GLIS3: variants seen among roughly 807,000 people sequenced by gnomAD.
The protein encoded by GLIS3 is zinc finger protein GLIS3.
In GLIS3, 53 loss-of-function variants were observed where a neutral mutation model predicts 78.6. The ratio of observed to expected loss-of-function variants is 0.67; its 90% CI spans 0.54 to 0.85. The LOEUF is 0.85. GLIS3 is among the 40% of genes least tolerant of loss of function. GLIS3 has a pLI of 0.00. For synonymous variants in GLIS3, 684 were observed against 509.9 expected (o/e 1.34, Z -4.60); for missense variants, 1,703 against 1,231.1 (o/e 1.38, Z -5.74).
At chr9:4,402,131 C>G in the GLIS3 span, among the ~76,000 whole-genome samples, 2 of 152,300 alleles carry the variant, frequency 1.3e-5, no homozygotes, top group East Asian at 1.9e-4. Flanking sequence ...TGACCCACCA[C>G]AGTCCCAGTG....
At chr9:4,071,830 C>G (rs1340248) in intron 4 of GLIS3, 2 of 152,086 alleles carry the variant, frequency 1.3e-5, no homozygotes, top group Admixed American at 6.6e-5. Flanking sequence ...AAGCATTTTC[C>G]TAATATATCA....
chr9:4,430,212 A>G, the GLIS3 span, among the ~76,000 whole-genome samples: 1 of 152,244 alleles, frequency 6.6e-6, no homozygotes, highest in Non-Finnish European at 1.5e-5. Context: ...AGGTGCATGC[A>G]TGCCTGTCTA....
intron 4 of GLIS3, among the ~76,000 whole-genome samples, chr9:4,075,227 C>A (rs1827945118): frequency 6.6e-6 from 1 of 151,964 alleles, no homozygotes; most frequent in African/African-American, 2.4e-5. Context: ...ATATGTGCAA[C>A]TTTTATCAAT....
chr9:3,878,064 G>A (rs984905975), intron 8 of GLIS3, among the ~76,000 whole-genome samples: 4 of 152,096 alleles, frequency 2.6e-5, no homozygotes, highest in Non-Finnish European at 5.9e-5. Context: ...GACCGTCCCT[G>A]ACGGTGTCCT....
At chr9:4,376,655 T>C in the GLIS3 span, among the ~76,000 whole-genome samples, 5 of 135,150 alleles carry the variant, frequency 3.7e-5, 1 homozygote, top group South Asian at 1.4e-3. Context: ...AAAGAAGAAA[T>C]ATAACTTTTT....
At chr9:4,369,505 A>G in the GLIS3 span, among the ~76,000 whole-genome samples, 1 of 152,172 alleles carries the variant, frequency 6.6e-6, no homozygotes, top group East Asian at 1.9e-4. Flanking sequence ...CATATGATCA[A>G]AATTGTCTTG....
the GLIS3 span, among the ~76,000 whole-genome samples, chr9:4,374,550 A>G: frequency 1.3e-5 from 2 of 152,224 alleles, no homozygotes; most frequent in African/African-American, 2.4e-5. Flanking sequence ...AAGCTCACAC[A>G]TGGCGGCTGT....
intron 2 of GLIS3, among the ~76,000 whole-genome samples, chr9:4,332,429 C>G (rs1817699746): frequency 6.6e-6 from 1 of 152,208 alleles, no homozygotes; most frequent in South Asian, 2.1e-4. Flanking sequence ...TTCCTTATAG[C>G]TGAGTATGGC....
intron 9 of GLIS3, among the ~76,000 whole-genome samples, chr9:3,832,675 C>T (rs1051367352): frequency 2.0e-5 from 3 of 152,154 alleles, no homozygotes; most frequent in Non-Finnish European, 4.4e-5. Context: ...AGGAGGAAAA[C>T]GTTAGCATAA....
chr9:4,376,875 G>A, the GLIS3 span, among the ~76,000 whole-genome samples: 2 of 134,840 alleles, frequency 1.5e-5, 1 homozygote, highest in African/African-American at 5.2e-5. Flanking sequence ...TATGCATCAG[G>A]ATGCTTGCAA....
chr9:4,000,948 T>C (rs1291634972), intron 4 of GLIS3, among the ~76,000 whole-genome samples: 1 of 152,226 alleles, frequency 6.6e-6, no homozygotes. Flanking sequence ...CAAAGCTATA[T>C]GCCAATTTTT....
intron 4 of GLIS3, among the ~76,000 whole-genome samples, chr9:4,095,086 A>C (rs1829832463): frequency 6.6e-6 from 1 of 152,146 alleles, no homozygotes; most frequent in Admixed American, 6.5e-5. Flanking sequence ...GTTATTATTA[A>C]CTATTGTCAT....
chr9:4,196,567 A>G (rs927846491), intron 2 of GLIS3, among the ~76,000 whole-genome samples: 6 of 152,160 alleles, frequency 3.9e-5, no homozygotes, highest in Non-Finnish European at 8.8e-5. Flanking sequence ...AGGAATGAAC[A>G]ACTCCAGACG....
chr9:3,946,067 C>G (rs1311502678), intron 4 of GLIS3, among the ~76,000 whole-genome samples: 2 of 152,206 alleles, frequency 1.3e-5, no homozygotes, highest in Admixed American at 6.5e-5. Context: ...CCTACTGACC[C>G]TTTAGCTTGG....
At chr9:4,394,750 T>C in the GLIS3 span, among the ~76,000 whole-genome samples, 2 of 152,228 alleles carry the variant, frequency 1.3e-5, no homozygotes, top group Non-Finnish European at 2.9e-5. Flanking sequence ...TACAGACTTA[T>C]GCAAGCACAT....
At chr9:4,414,852 C>T in the GLIS3 span, among the ~76,000 whole-genome samples, 81 of 152,152 alleles carry the variant, frequency 5.3e-4, no homozygotes, top group African/African-American at 1.9e-3. Flanking sequence ...TTGTCTTCAC[C>T]GAGAATCCTG....
In GLIS3 at chr9:4,293,393, A is replaced by C. The variant is rs74887438; in HGVS notation, c.-99+6028T>G. ...TGTAACTATTTCTGGCTGTTGGTAG[A>C]CAGCAGTTTTACAGAAGTTAAATTA... On this transcript the variant is annotated intron_variant, in intron 1 of 10. Coordinates refer to ENST00000381971, the MANE Select transcript of GLIS3 (RefSeq NM_001042413.2). Among the ~76,000 whole-genome samples, 739 of 152,326 alleles carry C rather than the reference A, an allele frequency of 4.9e-3. 7 individuals are homozygous for C. The highest frequency in any genetic ancestry group is 0.017 in the African/African-American group (686 of 41,556).
intron 9 of GLIS3, among the ~76,000 whole-genome samples, chr9:3,842,117 A>G (rs897621120): frequency 6.6e-6 from 1 of 152,206 alleles, no homozygotes; most frequent in Non-Finnish European, 1.5e-5. Flanking sequence ...GTGCTGCTGC[A>G]TCTCAATTCC....
intron 2 of GLIS3, among the ~76,000 whole-genome samples, chr9:4,311,595 C>A (rs1587379034): frequency 6.6e-6 from 1 of 152,250 alleles, no homozygotes; most frequent in African/African-American, 2.4e-5. Flanking sequence ...ACTCCACACT[C>A]CCCAGCTCCT....
Sources: gnomAD v4.1 joint callset for allele counts (sites outside exome capture counted in the v4.1 genomes callset) on GRCh38, gnomAD v4.1.1 for gene constraint, MANE v1.5 for transcripts, NCBI Gene and HGNC (gene_info 2026-07-23, HGNC 2026-07-21) for gene names.